The following EYS variants were observed in gnomAD, a reference collection of about 807,000 sequenced individuals.
EYS encodes the protein protein eyes shut homolog.
Under a neutral mutation model 282.1 loss-of-function variants are expected in EYS, and 250 were observed. The observed-to-expected ratio is 0.89, with a 90% CI of 0.80 to 0.98. EYS has a LOEUF of 0.98. Ranked by LOEUF, EYS falls within the 50% of genes least tolerant of loss-of-function variation. The pLI, the probability that EYS is intolerant of heterozygous loss-of-function variation, is 0.00. For missense variants in EYS, 4,016 were observed against 3,709.0 expected, an observed-to-expected ratio of 1.08 and a Z score of -2.15; for synonymous variants, 1,355 against 1,282.9, an observed-to-expected ratio of 1.06 and a Z score of -1.20.
Position 65,144,562 on chromosome 6 carries a change from T to C in EYS, c.2024-86835A>G, listed in dbSNP as rs78189441. Among the ~76,000 whole-genome samples, 1,496 of 152,264 alleles carry C rather than the reference T, an allele frequency of 9.8e-3. 25 individuals are homozygous for C. Among genetic ancestry groups the C allele is most frequent in the African/African-American group, 0.034 (1,413 of 41,568 alleles). Reference sequence around the variant, plus strand: ...TTTCACAGCATTCGCAGGAAATATTTGTGCTTAAAAACTTAATACAAATTG... The same window carrying C: ...TTTCACAGCATTCGCAGGAAATATTCGTGCTTAAAAACTTAATACAAATTG... On this transcript the variant is annotated intron_variant, in intron 12 of 42. Transcript: ENST00000503581.
chr6:64,009,126 C>T (rs1013572843), intron 33 of EYS, among the ~76,000 whole-genome samples: 69 of 152,094 alleles, frequency 4.5e-4, no homozygotes, highest in African/African-American at 1.6e-3. Context: ...TGGTCTTTAC[C>T]TAATCTCATT....
intron 33 of EYS, among the ~76,000 whole-genome samples, chr6:64,024,501 T>TA (rs999524980): frequency 9.7e-4 from 148 of 152,172 alleles, no homozygotes; most frequent in African/African-American, 2.7e-3. Context: ...GATAAGGGAA[T>TA]AAAAGCAGGC....
Position 65,341,951 on chromosome 6 carries a change from C to T in EYS, c.1599+2087G>A, listed in dbSNP as rs1040356555. 4.0e-5 allele frequency among the ~76,000 whole-genome samples: 6 copies of T among 151,052 alleles called. 1 individual carries two copies. Among genetic ancestry groups the T allele is most frequent in the East Asian group, 1.9e-4 (1 of 5,138 alleles). On this transcript the variant is annotated intron_variant, in intron 10 of 42. Coordinates refer to ENST00000503581, the MANE Select transcript of EYS (RefSeq NM_001142800.2). ...GTCGACATTTTACAATGAAAGGAAA[C>T]GATTAACTGTGCTTTATTTACATGA...
chr6:63,885,827 T>C (rs1773248655), intron 35 of EYS, among the ~76,000 whole-genome samples: 1 of 152,180 alleles, frequency 6.6e-6, no homozygotes, highest in South Asian at 2.1e-4. Context: ...AATCTTTATA[T>C]TGATCTGAGT....
chr6:65,019,861 T>C lies in EYS; in HGVS notation c.2138-22158A>G, dbSNP rs181580512. Among the ~76,000 whole-genome samples, 6 of 152,074 alleles carry C rather than the reference T, an allele frequency of 3.9e-5. No individual in the cohort carries two copies. In the East Asian group the frequency reaches 1.2e-3, roughly 29 times the overall value. Reference sequence around the variant, plus strand: ...GGCTGGGGAGGCCTCAGGAAACAATTGTGGCAGAAGGGGAAACAAACATGT... The same window carrying C: ...GGCTGGGGAGGCCTCAGGAAACAATCGTGGCAGAAGGGGAAACAAACATGT... On this transcript the variant is annotated intron_variant, in intron 13 of 42. Transcript: ENST00000503581.
intron 22 of EYS, among the ~76,000 whole-genome samples, chr6:64,676,613 G>T (rs1304330341): frequency 6.6e-6 from 1 of 152,012 alleles, no homozygotes; most frequent in Non-Finnish European, 1.5e-5. Context: ...TATATATGTT[G>T]TCTTAGTCTG....
At chr6:64,226,449 G>T (rs9359839) in intron 31 of EYS, among the ~76,000 whole-genome samples, 46,864 of 151,732 alleles carry the variant, frequency 0.31, 7,257 homozygotes, top group East Asian at 0.5. Context: ...AACACTAAAA[G>T]GTATGGGCCT....
At chr6:65,369,618 C>G (rs975243082) in intron 8 of EYS, among the ~76,000 whole-genome samples, 2 of 151,194 alleles carry the variant, frequency 1.3e-5, no homozygotes, top group Non-Finnish European at 2.9e-5. Context: ...TTTCTGCAAC[C>G]TAAACTTCCT....
intron 33 of EYS, among the ~76,000 whole-genome samples, chr6:64,038,838 T>C (rs568238841): frequency 6.6e-6 from 1 of 152,094 alleles, no homozygotes; most frequent in South Asian, 2.1e-4. Flanking sequence ...GGAGTCTCGC[T>C]CTGTAGCCCG....
Position 65,028,140 on chromosome 6 carries a change from T to C in EYS, c.2137+29474A>G, listed in dbSNP as rs1329567831. On this transcript the variant is annotated intron_variant, in intron 13 of 42. Coordinates refer to ENST00000503581, the MANE Select transcript of EYS (RefSeq NM_001142800.2). Reference sequence around the variant, plus strand: ...GTGTGCAGTGCTCATCATGGAGTATTAAGATCAATTTCTGTTAACTTTTTA... The same window carrying C: ...GTGTGCAGTGCTCATCATGGAGTATCAAGATCAATTTCTGTTAACTTTTTA... Among the ~76,000 whole-genome samples, 3 of 152,076 alleles carry C rather than the reference T, an allele frequency of 2.0e-5. No individual in the cohort carries two copies. In the East Asian group the frequency reaches 5.8e-4, roughly 29 times the overall value.
intron 31 of EYS, among the ~76,000 whole-genome samples, chr6:64,133,692 T>C (rs909159351): frequency 2.6e-5 from 4 of 152,094 alleles, no homozygotes; most frequent in African/African-American, 9.7e-5. Context: ...TTTTCTATGC[T>C]ACCCATATAT....
chr6:64,947,974 G>A (rs1249042848), intron 14 of EYS, among the ~76,000 whole-genome samples: 8 of 151,696 alleles, frequency 5.3e-5, no homozygotes, highest in African/African-American at 1.4e-4. Context: ...AACAAATTTA[G>A]TGAGTCAAAA....
intron 28 of EYS, among the ~76,000 whole-genome samples, chr6:64,407,339 C>G (rs1340024949): frequency 6.6e-6 from 1 of 152,104 alleles, no homozygotes; most frequent in Non-Finnish European, 1.5e-5. Flanking sequence ...AGGAGAAATA[C>G]CTAGTGTAGA....
chr6:64,135,933 T>C (rs1018425839), intron 31 of EYS, among the ~76,000 whole-genome samples: 4 of 151,986 alleles, frequency 2.6e-5, no homozygotes, highest in African/African-American at 7.2e-5. Flanking sequence ...TCAATAAAGT[T>C]TGCCACATTA....
chr6:65,656,228 A>G (rs1030427951), intron 1 of EYS, among the ~76,000 whole-genome samples: 4 of 151,904 alleles, frequency 2.6e-5, no homozygotes, highest in Admixed American at 2.6e-4. Flanking sequence ...TATGCCAATT[A>G]GAAACTCTAC....
intron 9 of EYS, among the ~76,000 whole-genome samples, chr6:65,347,470 A>G (rs1770442732): frequency 6.6e-6 from 1 of 151,560 alleles, no homozygotes; most frequent in African/African-American, 2.4e-5. Context: ...TCATAAGCAG[A>G]TATTTTTACT....
chr6:63,805,536 A>C (rs896930346), intron 37 of EYS, among the ~76,000 whole-genome samples: 9 of 152,188 alleles, frequency 5.9e-5, no homozygotes, highest in Non-Finnish European at 1.3e-4. Context: ...TTCCCATGTG[A>C]CTTGGTCACC....
At chr6:64,501,348 T>A (rs892399777) in intron 26 of EYS, among the ~76,000 whole-genome samples, 3 of 152,014 alleles carry the variant, frequency 2.0e-5, no homozygotes, top group African/African-American at 7.2e-5. Context: ...TAACAAATCA[T>A]TAGGATAGAT....
At chr6:64,087,601 CAT>C (rs879533080) in intron 31 of EYS, among the ~76,000 whole-genome samples, 11 of 152,126 alleles carry the variant, frequency 7.2e-5, no homozygotes, top group African/African-American at 1.7e-4. Flanking sequence ...CAACTTTGCA[CAT>C]GTTAGGCAAA....
Sources: allele counts gnomAD v4.1 joint callset (sites outside exome capture counted in the v4.1 genomes callset), GRCh38; gene constraint gnomAD v4.1.1; transcripts MANE v1.5; gene names NCBI Gene and HGNC (gene_info 2026-07-23, HGNC 2026-07-21).